The following RANBP17 variants were observed in gnomAD, a reference collection of about 807,000 sequenced individuals.
RANBP17 encodes RAN binding protein 17.
RANBP17 carries 158 observed loss-of-function variants against 141.2 expected under a neutral mutation model. The ratio of observed to expected loss-of-function variants is 1.12; its 90% confidence interval spans 0.98 to 1.28. RANBP17 has a LOEUF of 1.28. Ranked by LOEUF, RANBP17 falls within the 50% of genes most tolerant of loss-of-function variation. The pLI is 0.00. For synonymous variants in RANBP17, 430 were observed against 450.0 expected (o/e 0.96, Z 0.56); for missense variants, 1,438 against 1,290.7 (o/e 1.11, Z -1.75).
chr5:171,118,091 GA>G (rs1240808630), intron 14 of RANBP17, among the ~76,000 whole-genome samples: 1 of 152,080 alleles, frequency 6.6e-6, no homozygotes, highest in Non-Finnish European at 1.5e-5. Flanking sequence ...CCAATGTCCT[GA>G]AGTGTTTTCT....
chr5:171,267,063 C>A (rs1400232801), intron 25 of RANBP17, among the ~76,000 whole-genome samples: 1 of 126,068 alleles, frequency 7.9e-6, no homozygotes, highest in African/African-American at 3.1e-5. Context: ...GGGTCTCACT[C>A]TGTTGCCTTT....
At chr5:170,935,792 T>A (rs1773819590) in intron 12 of RANBP17, among the ~76,000 whole-genome samples, 1 of 152,168 alleles carries the variant, frequency 6.6e-6, no homozygotes, top group African/African-American at 2.4e-5. Context: ...TCACACTCCA[T>A]GCTGGGAGAA....
intron 5 of RANBP17, chr5:170,903,684 G>T (rs1423225292): frequency 1.0e-5 from 3 of 301,240 alleles, no homozygotes; most frequent in Non-Finnish European, 2.1e-5. Flanking sequence ...ACTGTGTGTT[G>T]CCCATTGACA....
At chr5:171,074,686 T>C (rs993673118) in intron 14 of RANBP17, among the ~76,000 whole-genome samples, 2 of 152,238 alleles carry the variant, frequency 1.3e-5, no homozygotes, top group African/African-American at 2.4e-5. Context: ...TGAATGAGCA[T>C]CTCTTCGTTG....
intron 3 of RANBP17, among the ~76,000 whole-genome samples, chr5:170,884,499 A>T (rs1190181242): frequency 6.6e-6 from 1 of 152,132 alleles, no homozygotes; most frequent in Non-Finnish European, 1.5e-5. Flanking sequence ...TCATTAATGG[A>T]AGTGGATCAT....
intron 24 of RANBP17, 143 bp from the exon 25 acceptor site, chr5:171,265,537 AC>A: frequency 1.3e-6 from 1 of 756,616 alleles, no homozygotes. Context: ...TCTCAAAAAA[AC>A]AAATTCCTGC....
chr5:170,968,205 G>T (rs745381391), intron 13 of RANBP17, 37 bp from the exon 14 acceptor site: 1 of 1,451,088 alleles, frequency 6.9e-7, no homozygotes, highest in Non-Finnish European at 9.3e-7. Context: ...CTAAGGTTTT[G>T]TACTGAAGGT....
intron 13 of RANBP17, among the ~76,000 whole-genome samples, chr5:170,956,787 A>C (rs908436909): frequency 6.7e-6 from 1 of 148,380 alleles, no homozygotes; most frequent in African/African-American, 2.5e-5. Context: ...CAGGGAAATA[A>C]ACGACTGGGC....
chr5:171,119,054 G>A (rs1755837585), intron 14 of RANBP17, among the ~76,000 whole-genome samples: 1 of 152,198 alleles, frequency 6.6e-6, no homozygotes, highest in African/African-American at 2.4e-5. Flanking sequence ...TTAGCTGTGA[G>A]TTTGACATAT....
In RANBP17 at chr5:170,974,988, C is replaced by G. The variant is rs754138056; in HGVS notation, c.1710+6611C>G. Among the ~76,000 whole-genome samples the G allele has an allele frequency of 5.3e-5, 8 of 152,106 alleles. 1 individual carries two copies. Among genetic ancestry groups the G allele is most frequent in the Admixed American group, 2.0e-4 (3 of 15,284 alleles). ...TGGGCCTGGGAGACAGAATGAGAGACAGCCCCAAGGATCTGTGATACACTT... is the reference window on the plus strand; with the variant it reads ...TGGGCCTGGGAGACAGAATGAGAGAGAGCCCCAAGGATCTGTGATACACTT... On this transcript the variant is annotated intron_variant, in intron 14 of 27. Transcript: ENST00000523189.
intron 1 of RANBP17, among the ~76,000 whole-genome samples, chr5:170,869,869 T>C (rs1049418836): frequency 4.6e-5 from 7 of 152,188 alleles, no homozygotes; most frequent in African/African-American, 1.7e-4. Flanking sequence ...TACAATATTA[T>C]TAGGTAATGT....
chr5:171,211,781 T>C (rs970899595), intron 20 of RANBP17, among the ~76,000 whole-genome samples: 13 of 152,264 alleles, frequency 8.5e-5, no homozygotes, highest in African/African-American at 3.1e-4. Flanking sequence ...TAGGAGAAAG[T>C]GTTGCTTTTT....
At chr5:171,125,162 T>G (rs1226971093) in intron 14 of RANBP17, among the ~76,000 whole-genome samples, 1 of 152,008 alleles carries the variant, frequency 6.6e-6, no homozygotes, top group Admixed American at 6.6e-5. Context: ...CCAGGCGTGG[T>G]GGCAGATGCC....
intron 1 of RANBP17, among the ~76,000 whole-genome samples, chr5:170,873,809 C>CT (rs967123995): frequency 6.6e-6 from 1 of 151,820 alleles, no homozygotes; most frequent in Non-Finnish European, 1.5e-5. Context: ...GATTTATTGA[C>CT]TTTTTTTGAA....
At chr5:170,877,959 A>G (rs1214691566) in intron 1 of RANBP17, 138 bp from the exon 2 acceptor site, 12 of 489,132 alleles carry the variant, frequency 2.5e-5, no homozygotes, top group Non-Finnish European at 4.0e-5. Context: ...TGTATCCCCT[A>G]GTAAGTAGTT....
chr5:170,881,438 G>A (rs1460587435), intron 2 of RANBP17, among the ~76,000 whole-genome samples: 1 of 152,184 alleles, frequency 6.6e-6, no homozygotes, highest in Non-Finnish European at 1.5e-5. Flanking sequence ...CATGGTCAGA[G>A]CAAAGTCAAG....
At chr5:171,076,256 A>G (rs1185707543) in intron 14 of RANBP17, among the ~76,000 whole-genome samples, 1 of 152,216 alleles carries the variant, frequency 6.6e-6, no homozygotes, top group Non-Finnish European at 1.5e-5. Context: ...GTTTTGTGAT[A>G]AGATAATAAG....
intron 8 of RANBP17, among the ~76,000 whole-genome samples, chr5:170,916,101 C>A (rs11134665): frequency 0.48 from 41,713 of 86,064 alleles, 9,190 homozygotes; most frequent in South Asian, 0.74. Flanking sequence ...ATTGCATTAT[C>A]ATGCGTTATA....
chr5:170,962,893 A>G (rs1280527128), intron 13 of RANBP17, among the ~76,000 whole-genome samples: 3 of 152,196 alleles, frequency 2.0e-5, no homozygotes, highest in African/African-American at 4.8e-5. Flanking sequence ...CATGTTGGCA[A>G]TACGTAGCAA....
Sources: gnomAD v4.1 joint callset for allele counts (sites outside exome capture counted in the v4.1 genomes callset) on GRCh38, gnomAD v4.1.1 for gene constraint, MANE v1.5 for transcripts, NCBI Gene and HGNC (gene_info 2026-07-23, HGNC 2026-07-21) for gene names.